ZC3H12B: variants seen among roughly 807,000 people sequenced by gnomAD.
The protein encoded by ZC3H12B is zinc finger CCCH-type containing 12B.
Under a neutral mutation model 43.9 loss-of-function variants are expected in ZC3H12B, and 7 were observed. The observed-to-expected ratio is 0.16, with a 90% CI of 0.09 to 0.30. The LOEUF (loss-of-function observed/expected upper bound fraction) is 0.30. ZC3H12B is among the 10% of genes least tolerant of loss of function. ZC3H12B has a pLI of 1.00. For missense variants in ZC3H12B, 475 were observed against 670.2 expected (o/e 0.71, Z 3.22); for synonymous variants, 222 against 241.7 (o/e 0.92, Z 0.76).
At chrX:65,163,481 C>T in the ZC3H12B span, among the ~76,000 whole-genome samples, 3 of 111,391 alleles carry the variant, frequency 2.7e-5, no homozygotes, top group African/African-American at 9.8e-5. Context: ...ATGACATGCA[C>T]CCCTCCCCCA....
intron 3 of ZC3H12B, among the ~76,000 whole-genome samples, chrX:65,421,185 C>G (rs2067013318): frequency 8.9e-6 from 1 of 112,517 alleles, no homozygotes; most frequent in East Asian, 2.8e-4. Context: ...ATTTGTGTGT[C>G]AGACTGAGGG....
At chrX:65,251,949 C>A in the ZC3H12B span, among the ~76,000 whole-genome samples, 1 of 111,657 alleles carries the variant, frequency 9.0e-6, no homozygotes, top group South Asian at 3.8e-4. Context: ...CCTGATTGCC[C>A]TGGCCAGAAC....
chrX:65,392,601 C>A (rs1392401337), intron 2 of ZC3H12B, among the ~76,000 whole-genome samples: 1 of 110,107 alleles, frequency 9.1e-6, no homozygotes, highest in Non-Finnish European at 1.9e-5. Flanking sequence ...GGGTGGTGCC[C>A]CCGCCCAGCA....
the ZC3H12B span, among the ~76,000 whole-genome samples, chrX:65,244,480 C>T: frequency 9.2e-6 from 1 of 108,157 alleles, no homozygotes; most frequent in Non-Finnish European, 1.9e-5. Context: ...TGTGGTGGCT[C>T]ACAACTGTAA....
At chrX:65,287,697 C>G in the ZC3H12B span, among the ~76,000 whole-genome samples, 1 of 110,890 alleles carries the variant, frequency 9.0e-6, no homozygotes, top group African/African-American at 3.3e-5. Flanking sequence ...AAATAAATGC[C>G]TACATTTAAA....
the ZC3H12B span, chrX:65,271,356 A>T: frequency 8.8e-6 from 1 of 113,036 alleles, no homozygotes; most frequent in Admixed American, 9.3e-5. Context: ...GAAACATTTT[A>T]AAATAGTACA....
chrX:65,342,331 A>G, the ZC3H12B span, among the ~76,000 whole-genome samples: 2 of 111,580 alleles, frequency 1.8e-5, no homozygotes, highest in Non-Finnish European at 3.8e-5. Flanking sequence ...AGAACTCTTC[A>G]CCCCAAAACA....
the ZC3H12B span, among the ~76,000 whole-genome samples, chrX:65,265,042 C>T: frequency 9.0e-6 from 1 of 111,615 alleles, no homozygotes; most frequent in Admixed American, 9.5e-5. Context: ...TTCCTCTCTG[C>T]GATTAAGACA....
At chrX:65,334,140 AGTT>A in the ZC3H12B span, among the ~76,000 whole-genome samples, 3 of 112,415 alleles carry the variant, frequency 2.7e-5, no homozygotes, top group South Asian at 1.1e-3. Flanking sequence ...GTATGACTGT[AGTT>A]AAGATTCTTA....
chrX:65,330,399 C>A, the ZC3H12B span, among the ~76,000 whole-genome samples: 1 of 110,982 alleles, frequency 9.0e-6, no homozygotes, highest in Non-Finnish European at 1.9e-5. Context: ...CCTTTATTTC[C>A]TTCTCCTGCC....
At chrX:65,339,324 T>A in the ZC3H12B span, among the ~76,000 whole-genome samples, 1 of 111,781 alleles carries the variant, frequency 8.9e-6, no homozygotes, top group Admixed American at 9.4e-5. Flanking sequence ...AGGACTCATT[T>A]CTGGCCCCCA....
At chrX:65,360,648 A>G in the ZC3H12B span, among the ~76,000 whole-genome samples, 2 of 112,617 alleles carry the variant, frequency 1.8e-5, no homozygotes, top group African/African-American at 6.4e-5. Context: ...CAGCTTCTTA[A>G]GTTAATCATA....
the ZC3H12B span, among the ~76,000 whole-genome samples, chrX:65,289,819 A>G: frequency 9.0e-6 from 1 of 110,604 alleles, no homozygotes; most frequent in African/African-American, 3.3e-5. Context: ...ATCTCACACT[A>G]TGTGCATAAA....
At chrX:65,362,073 C>A (rs915413751), upstream of ZC3H12B, among the ~76,000 whole-genome samples, 7 of 111,988 alleles carry the variant, frequency 6.3e-5, no homozygotes, top group African/African-American at 2.0e-4. Flanking sequence ...AGTGTGGGAA[C>A]CCACTGGAAA....
chrX:65,219,486 G>A, the ZC3H12B span, among the ~76,000 whole-genome samples: 1 of 111,261 alleles, frequency 9.0e-6, no homozygotes, highest in East Asian at 2.8e-4. Context: ...GGAAATGAAG[G>A]ACACACATAG....
At chrX:65,120,270 T>C in the ZC3H12B span, among the ~76,000 whole-genome samples, 1 of 112,247 alleles carries the variant, frequency 8.9e-6, no homozygotes, top group African/African-American at 3.2e-5. Flanking sequence ...TGATTCTTGC[T>C]ATCCATGAGC....
At chrX:65,374,583 A>G (rs937188502) in intron 2 of ZC3H12B, among the ~76,000 whole-genome samples, 1 of 110,464 alleles carries the variant, frequency 9.1e-6, no homozygotes, top group Admixed American at 9.9e-5. Context: ...CATAAGAAGA[A>G]AAAATCAGGT....
At chrX:65,206,968 T>C in the ZC3H12B span, among the ~76,000 whole-genome samples, 64 of 105,321 alleles carry the variant, frequency 6.1e-4, no homozygotes, top group Non-Finnish European at 1.0e-3. Flanking sequence ...ACCACCTTAC[T>C]CCCGCAAGAA....
At chrX:65,170,039 G>T in the ZC3H12B span, among the ~76,000 whole-genome samples, 1 of 111,712 alleles carries the variant, frequency 9.0e-6, no homozygotes, top group Non-Finnish European at 1.9e-5. Context: ...TTACATGTAA[G>T]GTTAATATTG....
Sources: gnomAD v4.1 joint callset for allele counts (sites outside exome capture counted in the v4.1 genomes callset) on GRCh38, gnomAD v4.1.1 for gene constraint, MANE v1.5 for transcripts, NCBI Gene and HGNC (gene_info 2026-07-23, HGNC 2026-07-21) for gene names.